Variants in LTBP1 observed in about 807,000 individuals in gnomAD.
LTBP1 encodes the protein latent transforming growth factor beta binding protein 1.
A neutral mutation model predicts 207.6 loss-of-function variants in LTBP1; 129 were observed. That is an observed-to-expected ratio of 0.62 (90% CI 0.54 to 0.72). The LOEUF (loss-of-function observed/expected upper bound fraction) is 0.72. Ranked by LOEUF, LTBP1 falls within the 30% of genes least tolerant of loss-of-function variation. The probability of loss-of-function intolerance (pLI) is 0.00; values close to 1 mark genes in which losing one functional copy is unlikely to be tolerated. For synonymous variants in LTBP1, 963 were observed against 833.7 expected (o/e 1.16, Z -2.67); for missense variants, 2,281 against 2,217.2 (o/e 1.03, Z -0.58).
At chr2:32,958,228 C>A (rs1486543767) in intron 2 of LTBP1, among the ~76,000 whole-genome samples, 1 of 152,198 alleles carries the variant, frequency 6.6e-6, no homozygotes, top group Admixed American at 6.5e-5. Context: ...TAATGATGGT[C>A]TCTGTCATCA....
chr2:33,330,814 C>CAAA lies in LTBP1; in HGVS notation c.3731-12009_3731-12007dup, dbSNP rs756837289. On this transcript the variant is annotated intron_variant, in intron 24 of 33. Coordinates refer to ENST00000404816, the MANE Select transcript of LTBP1 (RefSeq NM_206943.4). ...ACTCAGGTTTTCTCTATCATGGTCT[C>CAAA]AAAAAAAAAAAAAAAAATCCTTGAA... is the stretch of plus-strand genomic sequence containing the variant. 4.6e-3 allele frequency among the ~76,000 whole-genome samples: 447 copies of CAAA among 96,712 alleles called. 3 individuals are homozygous for CAAA. The highest frequency in any genetic ancestry group is 0.016 in the African/African-American group (429 of 27,594). 63.4% of individuals were successfully genotyped at this position (96,712 alleles called of 152,430 possible).
rs397972038 is a variant in LTBP1 at position 32,959,621 on chromosome 2, A to ATTTTTTTTTTT, written c.565+10683_565+10693dup. On this transcript the variant is annotated intron_variant, in intron 2 of 33. Coordinates refer to ENST00000404816, the MANE Select transcript of LTBP1 (RefSeq NM_206943.4). ...TGTATATATATATATATATATATATATTTTTTTTTTTTTTTTTGAGATGGA... is the reference window on the plus strand; with the variant it reads ...TGTATATATATATATATATATATATATTTTTTTTTTTTTTTTTTTTTTTTTTTTGAGATGGA... Among the ~76,000 whole-genome samples, 169 of 36,666 alleles carry ATTTTTTTTTTT rather than the reference A, an allele frequency of 4.6e-3. 20 individuals carry two copies. Among genetic ancestry groups the ATTTTTTTTTTT allele is most frequent in the Admixed American group, 0.016 (30 of 1,884 alleles). The allele number at this position is 36,666 out of a possible 152,430, so 24.1% of individuals were successfully genotyped here. A position where few individuals can be genotyped will look rare whatever the true frequency, so the allele number is the denominator to read the frequency against.
rs1553316521 is a variant in LTBP1, at chr2:33,382,111, T to TTTTTTTTTTTTTTTTTTTTTTTTTTTTTG, written c.4712-7072_4712-7071insTTTTTTTTTTTTTTTTTTTTTTTTTTTGT. Among the ~76,000 whole-genome samples the TTTTTTTTTTTTTTTTTTTTTTTTTTTTTG allele has an allele frequency of 3.9e-5, 4 of 103,620 alleles. 1 individual carries two copies. Among genetic ancestry groups the TTTTTTTTTTTTTTTTTTTTTTTTTTTTTG allele is most frequent in the African/African-American group, 1.9e-4 (4 of 20,638 alleles). The allele number at this position is 103,620 out of a possible 152,430, so 68.0% of individuals were successfully genotyped here. A position where few individuals can be genotyped will look rare whatever the true frequency, so the allele number is the denominator to read the frequency against. ...TTTTTTTTTTTTTTTTTTTTTTTTT[T>TTTTTTTTTTTTTTTTTTTTTTTTTTTTTG]TGAGACAGAGTCTCGCTCTGTTGCC... On this transcript the variant is annotated intron_variant, in intron 31 of 33. Coordinates refer to ENST00000404816, the MANE Select transcript of LTBP1 (RefSeq NM_206943.4).
intron 3 of LTBP1, among the ~76,000 whole-genome samples, chr2:33,064,828 G>A (rs2077427486): frequency 6.6e-6 from 1 of 152,080 alleles, no homozygotes; most frequent in Non-Finnish European, 1.5e-5. Flanking sequence ...GTATTGTTGG[G>A]ATTTTCTTCT....
intron 5 of LTBP1, among the ~76,000 whole-genome samples, chr2:33,139,998 AG>A (rs1357584242): frequency 6.6e-6 from 1 of 152,224 alleles, no homozygotes; most frequent in Non-Finnish European, 1.5e-5. Context: ...TGAAGAAGAG[AG>A]AAGTGCTTTC....
At chr2:32,977,297 G>A (rs1267909754) in intron 2 of LTBP1, among the ~76,000 whole-genome samples, 1 of 152,204 alleles carries the variant, frequency 6.6e-6, no homozygotes, top group Non-Finnish European at 1.5e-5. Context: ...TGGCCCACCT[G>A]GCTATGAGCC....
chr2:33,136,306 C>A (rs1268995934), intron 5 of LTBP1, among the ~76,000 whole-genome samples: 1 of 152,176 alleles, frequency 6.6e-6, no homozygotes, highest in Non-Finnish European at 1.5e-5. Flanking sequence ...GATCAGGAAA[C>A]TGGATTCTGG....
chr2:33,131,125 G>A (rs1322399176), intron 4 of LTBP1, among the ~76,000 whole-genome samples: 1 of 152,122 alleles, frequency 6.6e-6, no homozygotes, highest in Non-Finnish European at 1.5e-5. Flanking sequence ...ATCTCTGTGG[G>A]ATCCGACAGT....
intron 23 of LTBP1, among the ~76,000 whole-genome samples, chr2:33,314,763 G>A (rs567764510): frequency 6.6e-6 from 1 of 152,322 alleles, no homozygotes; most frequent in African/African-American, 2.4e-5. Flanking sequence ...AGGTACTACA[G>A]ACTATAACAG....
chr2:32,998,929 G>C (rs1268457426), intron 2 of LTBP1, among the ~76,000 whole-genome samples: 1 of 152,192 alleles, frequency 6.6e-6, no homozygotes, highest in Non-Finnish European at 1.5e-5. Flanking sequence ...TAGCAGCCTG[G>C]GCTAAGAACA....
At chr2:33,245,010 C>G (rs1325216950) in intron 10 of LTBP1, among the ~76,000 whole-genome samples, 1 of 152,154 alleles carries the variant, frequency 6.6e-6, no homozygotes, top group African/African-American at 2.4e-5. Flanking sequence ...TCCCAAGTAG[C>G]TGGGATTATG....
chr2:33,318,354 T>C (rs1302547653), intron 24 of LTBP1, among the ~76,000 whole-genome samples: 1 of 152,158 alleles, frequency 6.6e-6, no homozygotes, highest in Non-Finnish European at 1.5e-5. Flanking sequence ...ATTTATTCAC[T>C]CACGTAACCG....
intron 4 of LTBP1, among the ~76,000 whole-genome samples, chr2:33,112,410 A>G (rs2080465734): frequency 6.6e-6 from 1 of 152,190 alleles, no homozygotes; most frequent in African/African-American, 2.4e-5. Context: ...TTCTGTCCAT[A>G]TCTTTCCCGC....
chr2:33,291,894 T>G (rs2093781467), intron 19 of LTBP1: 1 of 152,280 alleles, frequency 6.6e-6, no homozygotes, highest in African/African-American at 2.4e-5. Context: ...AAAGCTTTGC[T>G]GCTTTCGTGG....
rs560158099 is a variant in LTBP1 at position 33,113,393 on chromosome 2, A to G, written c.1033+2642A>G. On this transcript the variant is annotated intron_variant, in intron 4 of 33. Transcript: ENST00000404816. Reference sequence around the variant, plus strand: ...GAACAATTGTTTTGAATAAGCAGGAAAGAGATGAGGATGGAGGTGATGGAT... The same window carrying G: ...GAACAATTGTTTTGAATAAGCAGGAGAGAGATGAGGATGGAGGTGATGGAT... 5.3e-5 allele frequency among the ~76,000 whole-genome samples: 8 copies of G among 152,312 alleles called. No individual in the cohort carries two copies. In the South Asian group the frequency reaches 1.7e-3, roughly 32 times the overall value.
Position 33,240,752 on chromosome 2 carries a change from G to A in LTBP1, c.1877-2910G>A, listed in dbSNP as rs148741644. ...TCCAAGCTCCACCTCTCAGGTTCAC[G>A]CCATTCTCCTGCCTCAGCCTCCTGA... On this transcript the variant is annotated intron_variant, in intron 9 of 33. Transcript: ENST00000404816. Among the ~76,000 whole-genome samples the A allele has an allele frequency of 8.6e-3, 1,256 of 145,748 alleles. 23 individuals carry two copies. The highest frequency in any genetic ancestry group is 0.03 in the African/African-American group (1,194 of 39,158).
intron 5 of LTBP1, among the ~76,000 whole-genome samples, chr2:33,183,193 G>T (rs939655758): frequency 4.6e-5 from 7 of 152,154 alleles, no homozygotes; most frequent in African/African-American, 1.7e-4. Flanking sequence ...TCTTCATCCT[G>T]TTCATTACAG....
At chr2:33,129,994 C>T (rs1053766850) in intron 4 of LTBP1, among the ~76,000 whole-genome samples, 5 of 152,212 alleles carry the variant, frequency 3.3e-5, no homozygotes, top group African/African-American at 1.2e-4. Flanking sequence ...ATTTACATAG[C>T]ACCTTTCTTG....
chr2:33,203,788 C>T (rs1365033082), intron 7 of LTBP1, among the ~76,000 whole-genome samples: 2 of 152,112 alleles, frequency 1.3e-5, no homozygotes, highest in Non-Finnish European at 2.9e-5. Flanking sequence ...AATTATGGAG[C>T]AGCTCAGAGT....
Sources: gnomAD v4.1 joint callset for allele counts (sites outside exome capture counted in the v4.1 genomes callset) on GRCh38, gnomAD v4.1.1 for gene constraint, MANE v1.5 for transcripts, NCBI Gene and HGNC (gene_info 2026-07-23, HGNC 2026-07-21) for gene names.